Variants in TICAM2 observed in about 807,000 individuals in gnomAD.
TICAM2 encodes TIR domain-containing adapter molecule 2.
In TICAM2, 8 loss-of-function variants were observed where a neutral mutation model predicts 7.3. The ratio of observed to expected loss-of-function variants is 1.10; its 90% CI spans 0.65 to 1.99. The LOEUF (loss-of-function observed/expected upper bound fraction) is 1.99. Ranked by LOEUF, TICAM2 falls within the 30% of genes most tolerant of loss-of-function variation. The probability of loss-of-function intolerance (pLI) is 0.00; values close to 1 mark genes in which losing one functional copy is unlikely to be tolerated. For synonymous variants in TICAM2, 113 were observed against 99.6 expected (o/e 1.13, Z -0.80); for missense variants, 304 against 278.8 (o/e 1.09, Z -0.65).
At chr5:115,588,425 G>A (rs1480707217) in intron 1 of TICAM2, among the ~76,000 whole-genome samples, 1 of 152,150 alleles carries the variant, frequency 6.6e-6, no homozygotes, top group Non-Finnish European at 1.5e-5. Flanking sequence ...TAGAGAGAAG[G>A]TGAGTCCACT....
intron 1 of TICAM2, among the ~76,000 whole-genome samples, chr5:115,599,843 TTTTC>T (rs1479045410): frequency 2.6e-5 from 4 of 151,236 alleles, no homozygotes; most frequent in African/African-American, 9.8e-5. Context: ...GTAAGCCTGT[TTTTC>T]TTTTCTTTTT....
chr5:115,587,659 C>T (rs1755156253), intron 1 of TICAM2, among the ~76,000 whole-genome samples: 1 of 152,146 alleles, frequency 6.6e-6, no homozygotes, highest in African/African-American at 2.4e-5. Context: ...TGGTGTCATT[C>T]ACTGAGAAAA....
chr5:115,584,362 ACTT>A (rs139706808), intron 1 of TICAM2, among the ~76,000 whole-genome samples: 1,983 of 152,292 alleles, frequency 0.013, 47 homozygotes, highest in African/African-American at 0.046. Flanking sequence ...CGCATAGAGA[ACTT>A]CTTCTTATTT....
intron 1 of TICAM2, among the ~76,000 whole-genome samples, chr5:115,586,044 T>C (rs904910384): frequency 6.6e-6 from 1 of 152,160 alleles, no homozygotes; most frequent in Non-Finnish European, 1.5e-5. Context: ...GTCTGGAGTG[T>C]AGGAGAAAGG....
chr5:115,581,362 C>T (rs1754917124), intron 1 of TICAM2, 47 bp from the exon 2 acceptor site: 1 of 1,516,438 alleles, frequency 6.6e-7, no homozygotes, highest in Admixed American at 2.2e-5. Context: ...TTAATCAAAA[C>T]ATTAAAAATG....
intron 1 of TICAM2, among the ~76,000 whole-genome samples, chr5:115,587,270 C>T (rs1440612761): frequency 6.6e-6 from 1 of 152,158 alleles, no homozygotes; most frequent in African/African-American, 2.4e-5. Flanking sequence ...TCTGACTTGA[C>T]ACAGGTTAAA....
chr5:115,581,614 G>T, intron 1 of TICAM2: 1 of 309,032 alleles, frequency 3.2e-6, no homozygotes, highest in South Asian at 5.3e-5. Context: ...AAATTACGTT[G>T]GTATTTTTGT....
Position 115,579,412 on chromosome 5 carries a change from C to G in TICAM2, c.*1137G>C, listed in dbSNP as rs1754835648. ...CTCAGTGGCAGAAATTGGACTAGAA[C>G]CAAGTCTCATGATCCCGAAGAGGGC... On this transcript the variant is annotated 3_prime_UTR_variant, in exon 2 of 2. Transcript: ENST00000427199. 6.6e-6 allele frequency: 1 copy of G among 152,230 alleles called. No individual in the cohort carries two copies. Among genetic ancestry groups the G allele is most frequent in the Non-Finnish European group, 1.5e-5 (1 of 68,056 alleles). 9.4% of individuals were successfully genotyped at this position (152,230 alleles called of 1,614,324 possible).
Position 115,580,429 on chromosome 5 carries a change from A to T in TICAM2, c.*120T>A. 8.0e-7 allele frequency: 1 copy of T among 1,250,998 alleles called. No individual in the cohort carries two copies. Among genetic ancestry groups the T allele is most frequent in the Non-Finnish European group, 1.0e-6 (1 of 958,926 alleles). The allele number at this position is 1,250,998 out of a possible 1,614,324, so 77.5% of individuals were successfully genotyped here. On this transcript the variant is annotated 3_prime_UTR_variant, in exon 2 of 2. Coordinates refer to ENST00000427199, the MANE Select transcript of TICAM2 (RefSeq NM_021649.7). ...GAAATTTATCTTTCTTGTGCTCCAT[A>T]GGTTTCTTTAAGGTGAAGACTCTCT...
At chr5:115,598,613 C>G (rs1755600194) in intron 1 of TICAM2, among the ~76,000 whole-genome samples, 1 of 152,174 alleles carries the variant, frequency 6.6e-6, no homozygotes, top group African/African-American at 2.4e-5. Flanking sequence ...TGTTTTGATA[C>G]TATTAATAAC....
intron 1 of TICAM2, among the ~76,000 whole-genome samples, chr5:115,598,291 T>C (rs112072025): frequency 3.3e-5 from 5 of 152,326 alleles, no homozygotes; most frequent in African/African-American, 9.6e-5. Context: ...CAAATGAGTT[T>C]AGCCTATCTC....
chr5:115,599,553 C>A (rs1755640467), intron 1 of TICAM2, among the ~76,000 whole-genome samples: 1 of 152,222 alleles, frequency 6.6e-6, no homozygotes, highest in African/African-American at 2.4e-5. Context: ...CCATAAGCTT[C>A]ATGGAATACT....
intron 1 of TICAM2, among the ~76,000 whole-genome samples, chr5:115,590,979 C>T (rs1239738959): frequency 6.6e-6 from 1 of 152,028 alleles, no homozygotes; most frequent in Non-Finnish European, 1.5e-5. Context: ...CAAAATGGGG[C>T]TATTTGCAGC....
chr5:115,597,186 G>A (rs752436137), intron 1 of TICAM2, among the ~76,000 whole-genome samples: 2 of 152,124 alleles, frequency 1.3e-5, no homozygotes, highest in African/African-American at 4.8e-5. Flanking sequence ...CCACTGCAAC[G>A]CCCATTTCTG....
intron 1 of TICAM2, among the ~76,000 whole-genome samples, chr5:115,587,883 G>A (rs993819784): frequency 6.6e-6 from 1 of 152,126 alleles, no homozygotes; most frequent in Non-Finnish European, 1.5e-5. Flanking sequence ...AGAGAGGAGA[G>A]AGAGAGCTAA....
intron 1 of TICAM2, among the ~76,000 whole-genome samples, chr5:115,583,787 C>A (rs1340598979): frequency 6.6e-6 from 1 of 152,136 alleles, no homozygotes; most frequent in Non-Finnish European, 1.5e-5. Context: ...TCTACTGGAA[C>A]AAAGGAAAGG....
intron 1 of TICAM2, among the ~76,000 whole-genome samples, chr5:115,587,381 A>G (rs1390795709): frequency 6.6e-6 from 1 of 152,160 alleles, no homozygotes; most frequent in Admixed American, 6.5e-5. Context: ...ACTTTTGTTT[A>G]TATGAAGGAG....
chr5:115,598,652 T>C (rs1755602213), intron 1 of TICAM2, among the ~76,000 whole-genome samples: 1 of 152,178 alleles, frequency 6.6e-6, no homozygotes, highest in Non-Finnish European at 1.5e-5. Context: ...TTAACCCCCC[T>C]ACTCTTCTCT....
intron 1 of TICAM2, among the ~76,000 whole-genome samples, chr5:115,597,238 G>A (rs1755544212): frequency 6.6e-6 from 1 of 152,162 alleles, no homozygotes; most frequent in Admixed American, 6.5e-5. Flanking sequence ...ATCTCCCTCT[G>A]TTATTTAGGT....
Sources: gnomAD v4.1 joint callset for allele counts (sites outside exome capture counted in the v4.1 genomes callset) on GRCh38, gnomAD v4.1.1 for gene constraint, MANE v1.5 for transcripts, NCBI Gene and HGNC (gene_info 2026-07-23, HGNC 2026-07-21) for gene names.